IDI2: variants seen among roughly 807,000 people sequenced by gnomAD.
IDI2 encodes the protein isopentenyl-diphosphate delta-isomerase 2.
IDI2 carries 18 observed loss-of-function variants against 14.8 expected under a neutral mutation model. The ratio of observed to expected loss-of-function variants is 1.22; its 90% CI spans 0.84 to 1.80. The LOEUF is 1.80. Among genes scored for constraint, IDI2 ranks in the 40% most tolerant of loss-of-function variants. The pLI is 0.00. For missense variants in IDI2, 316 were observed against 283.2 expected (o/e 1.12, Z -0.83); for synonymous variants, 133 against 109.6 (o/e 1.21, Z -1.33).
In IDI2 at chr10:1,019,685, G is replaced by A. The variant is rs199526966; in HGVS notation, c.516C>T (p.Leu172=). Residue 172 remains leucine, a synonymous_variant, in exon 5 of 5, where the codon CTC becomes CTT. Coordinates refer to ENST00000277517, the MANE Select transcript of IDI2 (RefSeq NM_033261.3). ...NPDPSETKSI[L]YLSQEELWEL... is the part of the protein sequence containing the mutation. ...CCCACAGCTCCTCCTGGGACAGGTA[G>A]AGGATGCTTTTCGTTTCACTGGGAT... 2 of 1,614,070 alleles carry A rather than the reference G, an allele frequency of 1.2e-6. No individual in the cohort carries two copies. Among genetic ancestry groups the A allele is most frequent in the Non-Finnish European group, 1.7e-6 (2 of 1,180,030 alleles).
In IDI2 at chr10:1,019,554, G is replaced by A. The variant is rs1832051573; in HGVS notation, c.647C>T (p.Thr216Ile). 6.2e-7 allele frequency: 1 copy of A among 1,613,658 alleles called. No individual in the cohort carries two copies. Among genetic ancestry groups the A allele is most frequent in the South Asian group, 1.1e-5 (1 of 91,058 alleles). The change falls in exon 5 of 5, where the codon ACC becomes ATC. Residue 216 changes from threonine to isoleucine, a missense_variant. Physicochemically the swap from Thr to Ile is moderately conservative, Grantham distance 89 (BLOSUM62 -1). Coordinates refer to ENST00000277517, the MANE Select transcript of IDI2 (RefSeq NM_033261.3). ...TATTTTGTGAAGCTCCACAAACGGG[G>A]TCACGTCATCCAGGTGAGGCCACCA... is the stretch of plus-strand genomic sequence containing the variant. ...YRWWPHLDDV[T>I]PFVELHKIHR...
chr10:1,022,803 G>A lies in IDI2; in HGVS notation c.143-28C>T, dbSNP rs1236902760. 9 of 1,499,092 alleles carry A rather than the reference G, an allele frequency of 6.0e-6. No individual in the cohort carries two copies. The Admixed American group carries it at 1.0e-4, about 17-fold the overall frequency. 92.9% of individuals were successfully genotyped at this position (1,499,092 alleles called of 1,614,324 possible). On this transcript the variant is annotated intron_variant, in intron 2 of 4. Coordinates refer to ENST00000277517, the MANE Select transcript of IDI2 (RefSeq NM_033261.3). ...GCAAAGGTAAGTGCCATTTGTGTGA[G>A]TGCATGCCTGGAGTCTGTACGATTG...
At chr10:1,022,117 G>C (rs1159444788) in intron 3 of IDI2, among the ~76,000 whole-genome samples, 1 of 152,112 alleles carries the variant, frequency 6.6e-6, no homozygotes, top group Admixed American at 6.5e-5. Context: ...ACGTTACCCG[G>C]GTGTGGTGGC....
intron 1 of IDI2, 54 bp downstream of exon 1, chr10:1,025,762 C>T (rs536629679): frequency 6.6e-6 from 1 of 152,148 alleles, no homozygotes; most frequent in South Asian, 2.1e-4. Context: ...TGAATATGTA[C>T]AAATTTAGAT....
intron 3 of IDI2, among the ~76,000 whole-genome samples, chr10:1,021,726 C>T (rs1442038477): frequency 6.6e-6 from 1 of 152,194 alleles, no homozygotes; most frequent in Non-Finnish European, 1.5e-5. Flanking sequence ...CATTCAGCTC[C>T]ATCAAGGAGC....
rs1298366773 is a variant in IDI2 at position 1,024,682 on chromosome 10, C to T, written c.42G>A (p.Leu14=). The T allele has an allele frequency of 9.3e-6, 15 of 1,614,092 alleles. No individual in the cohort carries two copies. In the Admixed American group the frequency reaches 2.3e-4, roughly 25 times the overall value. ...INLDWVDRRQ[L]QRLEEMLIVV... ...CAATCAGCATTTCCTCCAAGCGCTG[C>T]AACTGACGCCTGTCAACCCAGTCAA... is the stretch of plus-strand genomic sequence containing the variant. Residue 14 remains leucine (L), a synonymous_variant, in exon 2 of 5, where the codon TTG becomes TTA. Coordinates refer to ENST00000277517, the MANE Select transcript of IDI2 (RefSeq NM_033261.3).
In IDI2 at chr10:1,019,814, C is replaced by T. The variant is rs771562485; in HGVS notation, c.387G>A (p.Val129=). 8.1e-6 allele frequency: 13 copies of T among 1,613,692 alleles called. No homozygotes were observed. In the South Asian group the frequency reaches 8.8e-5, roughly 11 times the overall value. The change falls in exon 5 of 5, where the codon GTG becomes GTA. Residue 129 remains valine (V), a synonymous_variant. Transcript: ENST00000277517. ...CCTTGTGGTGATAGATTGTCATGAA[C>T]ACAATGTCCTCTGGAGAAATCTATT... ...PGEQISPEDI[V]FMTIYHHKAK...
intron 4 of IDI2, 197 bp from the exon 5 acceptor site, chr10:1,020,031 C>A (rs11250224): frequency 0.2 from 119,193 of 591,892 alleles, 12,493 homozygotes; most frequent in East Asian, 0.3. Flanking sequence ...GCTTTGGTTT[C>A]TTGGTTCCAG....
At position 1,019,530 on chromosome 10, in the gene IDI2, A is replaced by G; in HGVS notation, c.671T>C (p.Ile224Thr). Residue 224 changes from isoleucine to threonine, a missense_variant, in exon 5 of 5, where the codon ATA (isoleucine) becomes ACA (threonine). Transcript: ENST00000277517. ...CCTCCCTGCCTCTCACACTCTGTGT[A>G]TTTTGTGAAGCTCCACAAACGGGGT... ...DVTPFVELHK[I>T]HRV 6.2e-7 allele frequency: 1 copy of G among 1,612,778 alleles called. No homozygotes were observed. Among genetic ancestry groups the G allele is most frequent in the Non-Finnish European group, 8.5e-7 (1 of 1,179,130 alleles).
At chr10:1,023,349 G>T (rs867374728) in intron 2 of IDI2, among the ~76,000 whole-genome samples, 1 of 152,144 alleles carries the variant, frequency 6.6e-6, no homozygotes, top group South Asian at 2.1e-4. Flanking sequence ...GGTGGCAGGT[G>T]CCTGTAGTCC....
At chr10:1,020,219 ATTTC>A (rs1357109621) in intron 4 of IDI2, among the ~76,000 whole-genome samples, 15 of 149,194 alleles carry the variant, frequency 1.0e-4, no homozygotes, top group African/African-American at 2.5e-4. Flanking sequence ...CTACACTTGA[ATTTC>A]TTTCTTTTTT....
rs375296991 is a variant in IDI2, at chr10:1,024,561, G to C, written c.142+21C>G. 3 of 1,613,446 alleles carry C rather than the reference G, an allele frequency of 1.9e-6. No homozygotes were observed. The African/African-American group carries it at 4.0e-5, about 22-fold the overall frequency. On this transcript the variant is annotated intron_variant, in intron 2 of 4. Coordinates refer to ENST00000277517, the MANE Select transcript of IDI2 (RefSeq NM_033261.3). ...ATGGGAAAACCCTGGGAACTGGACA[G>C]AGAAAATGGGCGGGGGCTACCTTTC... is the stretch of plus-strand genomic sequence containing the variant.
rs1342383077 is a variant in IDI2 at position 1,018,934 on chromosome 10, TG to T, written c.*582del. On this transcript the variant is annotated 3_prime_UTR_variant, in exon 5 of 5. Coordinates refer to ENST00000277517, the MANE Select transcript of IDI2 (RefSeq NM_033261.3). ...GTTTTAAAGCAAGTATGTCTTTATT[TG>T]TAAGCATATTACTGAAACGATCAAA... The T allele has an allele frequency of 6.6e-6, 1 of 152,490 alleles. No homozygotes were observed. The highest frequency in any genetic ancestry group is 1.5e-5 in the Non-Finnish European group (1 of 68,258). 9.4% of individuals were successfully genotyped at this position (152,490 alleles called of 1,614,324 possible).
rs748725666 is a variant in IDI2, at chr10:1,019,538, A to T, written c.663T>A (p.Leu221=). ...CCTCTCACACTCTGTGTATTTTGTG[A>T]AGCTCCACAAACGGGGTCACGTCAT... ...HLDDVTPFVE[L]HKIHRV Residue 221 remains leucine (L), a synonymous_variant, in exon 5 of 5, where the codon CTT becomes CTA. Transcript: ENST00000277517. 3.7e-6 allele frequency: 6 copies of T among 1,612,978 alleles called. No individual in the cohort carries two copies. The South Asian group carries it at 6.6e-5, about 18-fold the overall frequency.
chr10:1,021,907 G>A (rs924719547), intron 3 of IDI2, among the ~76,000 whole-genome samples: 3 of 152,186 alleles, frequency 2.0e-5, no homozygotes, highest in Non-Finnish European at 4.4e-5. Context: ...AAAATTTGAG[G>A]ACAGCCTAGG....
chr10:1,019,609 T>G lies in IDI2; in HGVS notation c.592A>C (p.Arg198=), dbSNP rs370782776. ...RGEVKVTPWL[R]TIAERFLYRW... is the part of the protein sequence containing the mutation. Reference sequence around the variant, plus strand: ...TACAGAAACCTCTCGGCAATGGTTCTTAGCCAGGGGGTGACTTTGACTTCA... The same window carrying G: ...TACAGAAACCTCTCGGCAATGGTTCGTAGCCAGGGGGTGACTTTGACTTCA... Residue 198 remains arginine (R), a synonymous_variant, in exon 5 of 5, where the codon AGA becomes CGA. Coordinates refer to ENST00000277517, the MANE Select transcript of IDI2 (RefSeq NM_033261.3). 1 of 1,613,948 alleles carries G rather than the reference T, an allele frequency of 6.2e-7. No homozygotes were observed. Among genetic ancestry groups the G allele is most frequent in the African/African-American group, 1.3e-5 (1 of 74,910 alleles).
chr10:1,020,013 A>T, intron 4 of IDI2, 179 bp from the exon 5 acceptor site: 1 of 607,324 alleles, frequency 1.6e-6, no homozygotes, highest in Non-Finnish European at 2.9e-6. Flanking sequence ...AGTCTGAATG[A>T]TAAACCGGCT....
rs548356090 is a variant in IDI2 at position 1,019,602 on chromosome 10, A to G, written c.599T>C (p.Ile200Thr). The G allele has an allele frequency of 1.4e-5, 22 of 1,613,992 alleles. No individual in the cohort carries two copies. In the East Asian group the frequency reaches 3.3e-4, roughly 25 times the overall value. ...EVKVTPWLRT[I>T]AERFLYRWWP... ...CCACCGGTACAGAAACCTCTCGGCAATGGTTCTTAGCCAGGGGGTGACTTT... is the reference window on the plus strand; with the variant it reads ...CCACCGGTACAGAAACCTCTCGGCAGTGGTTCTTAGCCAGGGGGTGACTTT... Residue 200 changes from isoleucine to threonine, a missense_variant, in exon 5 of 5, where the codon ATT becomes ACT. Transcript: ENST00000277517.
intron 4 of IDI2, 55 bp downstream of exon 4, chr10:1,020,712 C>CATTAAGAAA: frequency 7.0e-7 from 1 of 1,429,162 alleles, no homozygotes; most frequent in Non-Finnish European, 9.2e-7. Flanking sequence ...TCACCGTCTG[C>CATTAAGAAA]CCGCTGCCAA....
Sources: allele counts gnomAD v4.1 joint callset (sites outside exome capture counted in the v4.1 genomes callset), GRCh38; gene constraint gnomAD v4.1.1; transcripts MANE v1.5; gene names NCBI Gene and HGNC (gene_info 2026-07-23, HGNC 2026-07-21).